The following SHISA9 variants were observed in gnomAD, a reference collection of about 807,000 sequenced individuals.
The protein encoded by SHISA9 is shisa family member 9.
SHISA9 carries 13 observed loss-of-function variants against 38.0 expected under a neutral mutation model. That is an observed-to-expected ratio of 0.34 (90% confidence interval 0.22 to 0.54). The LOEUF (loss-of-function observed/expected upper bound fraction) is 0.54, where lower values mean the gene tolerates loss of function less well. SHISA9 is among the 20% of genes least tolerant of loss of function. The pLI, the probability that SHISA9 is intolerant of heterozygous loss-of-function variation, is 0.91. For missense variants in SHISA9, 538 were observed against 575.8 expected (o/e 0.93, Z 0.67); for synonymous variants, 275 against 242.0 (o/e 1.14, Z -1.27).
At chr16:13,244,138 A>G (rs539689687), downstream of SHISA9, among the ~76,000 whole-genome samples, 1 of 152,294 alleles carries the variant, frequency 6.6e-6, no homozygotes, top group African/African-American at 2.4e-5. Flanking sequence ...CCTTTCAATT[A>G]TCTGGTGAAT....
At chr16:12,992,664 C>T (rs924491464) in intron 2 of SHISA9, among the ~76,000 whole-genome samples, 2 of 152,204 alleles carry the variant, frequency 1.3e-5, no homozygotes, top group African/African-American at 2.4e-5. Flanking sequence ...CTTTCAGCCA[C>T]AACAAAAGGC....
chr16:13,442,649 AT>A, the SHISA9 span, among the ~76,000 whole-genome samples: 1 of 152,070 alleles, frequency 6.6e-6, no homozygotes, highest in Non-Finnish European at 1.5e-5. Context: ...TGTACTTCAG[AT>A]TTTCAAGATG....
chr16:13,073,423 G>T (rs1224053833), intron 2 of SHISA9, among the ~76,000 whole-genome samples: 1 of 152,156 alleles, frequency 6.6e-6, no homozygotes, highest in Non-Finnish European at 1.5e-5. Flanking sequence ...CTTGGATGTG[G>T]AGTATTTGCC....
Position 13,011,800 on chromosome 16 carries a change from C to T in SHISA9, c.691+94985C>T, listed in dbSNP as rs1017961287. ...CCTCCCAAAGTGCTGGGATTACAGG[C>T]GTGAGCCACCGTGCCTGGCCTTTGA... On this transcript the variant is annotated intron_variant, in intron 2 of 4. Transcript: ENST00000558583. 9.9e-5 allele frequency among the ~76,000 whole-genome samples: 15 copies of T among 152,186 alleles called. 1 individual carries two copies. The highest frequency in any genetic ancestry group is 6.8e-3 in the Middle Eastern group (2 of 294).
chr16:13,265,703 G>A, the SHISA9 span, among the ~76,000 whole-genome samples: 1 of 151,506 alleles, frequency 6.6e-6, no homozygotes, highest in African/African-American at 2.4e-5. Flanking sequence ...CAAACCATGT[G>A]ATATATGCTG....
At chr16:12,983,878 T>C (rs1215663523) in intron 2 of SHISA9, among the ~76,000 whole-genome samples, 1 of 152,210 alleles carries the variant, frequency 6.6e-6, no homozygotes, top group Non-Finnish European at 1.5e-5. Flanking sequence ...TAGCTCAGGC[T>C]ACTTTGAGGG....
the SHISA9 span, among the ~76,000 whole-genome samples, chr16:13,426,828 A>G: frequency 1.3e-5 from 2 of 152,244 alleles, no homozygotes; most frequent in Non-Finnish European, 2.9e-5. Flanking sequence ...GACAGTAATT[A>G]AACACTTCTC....
chr16:13,482,998 C>G, the SHISA9 span, among the ~76,000 whole-genome samples: 1 of 152,112 alleles, frequency 6.6e-6, no homozygotes, highest in African/African-American at 2.4e-5. Context: ...TACTGGGAGC[C>G]AAGAGCAGAA....
chr16:13,390,523 C>G, the SHISA9 span, among the ~76,000 whole-genome samples: 2 of 152,172 alleles, frequency 1.3e-5, no homozygotes, highest in Non-Finnish European at 2.9e-5. Context: ...TGTGATCTTT[C>G]TCACTCTGCT....
the SHISA9 span, among the ~76,000 whole-genome samples, chr16:13,386,983 C>T: frequency 6.6e-6 from 1 of 152,176 alleles, no homozygotes; most frequent in African/African-American, 2.4e-5. Context: ...ACGGCTTTAA[C>T]ACTTTCAGAT....
At chr16:13,151,836 T>G (rs2050502137) in intron 2 of SHISA9, among the ~76,000 whole-genome samples, 1 of 152,128 alleles carries the variant, frequency 6.6e-6, no homozygotes, top group African/African-American at 2.4e-5. Context: ...CTGTAGTAGG[T>G]TTTCTCAGGA....
chr16:13,406,752 G>A, the SHISA9 span, among the ~76,000 whole-genome samples: 1 of 152,106 alleles, frequency 6.6e-6, no homozygotes, highest in East Asian at 1.9e-4. Flanking sequence ...AGATCACTAA[G>A]CCTTCACATG....
chr16:13,060,297 G>A (rs1241258876), intron 2 of SHISA9, among the ~76,000 whole-genome samples: 2 of 152,138 alleles, frequency 1.3e-5, no homozygotes, highest in Admixed American at 6.5e-5. Flanking sequence ...TAATGATCTT[G>A]ATCAAACCAT....
At chr16:13,459,299 A>G in the SHISA9 span, among the ~76,000 whole-genome samples, 1 of 152,270 alleles carries the variant, frequency 6.6e-6, no homozygotes. Context: ...CAAAAACTTT[A>G]TAAAGCAAAC....
At chr16:13,343,296 C>T in the SHISA9 span, among the ~76,000 whole-genome samples, 5 of 152,168 alleles carry the variant, frequency 3.3e-5, no homozygotes, top group Admixed American at 3.3e-4. Flanking sequence ...TATATCTTAT[C>T]TTCCCAAGGT....
chr16:13,551,714 G>A, the SHISA9 span, among the ~76,000 whole-genome samples: 2 of 152,122 alleles, frequency 1.3e-5, no homozygotes, highest in Non-Finnish European at 2.9e-5. Flanking sequence ...CTGCTTTCCT[G>A]AGTGATCAGG....
the SHISA9 span, among the ~76,000 whole-genome samples, chr16:13,387,384 CAT>C: frequency 6.6e-6 from 1 of 152,038 alleles, no homozygotes; most frequent in Non-Finnish European, 1.5e-5. Context: ...GGGAGAACAT[CAT>C]ATGAAAATGG....
chr16:13,179,228 A>G (rs1288296481), intron 2 of SHISA9, among the ~76,000 whole-genome samples: 2 of 152,178 alleles, frequency 1.3e-5, no homozygotes, highest in African/African-American at 4.8e-5. Flanking sequence ...CTGAGGCGGG[A>G]GAACAACCAG....
chr16:13,178,201 G>A (rs1249677370), intron 2 of SHISA9, among the ~76,000 whole-genome samples: 1 of 152,108 alleles, frequency 6.6e-6, no homozygotes, highest in African/African-American at 2.4e-5. Context: ...CTCCATCCAT[G>A]GATCAGCTAC....
Sources: gnomAD v4.1 joint callset for allele counts (sites outside exome capture counted in the v4.1 genomes callset) on GRCh38, gnomAD v4.1.1 for gene constraint, MANE v1.5 for transcripts, NCBI Gene and HGNC (gene_info 2026-07-23, HGNC 2026-07-21) for gene names.